The following ADAMTS12 variants were observed in gnomAD, a reference collection of about 807,000 sequenced individuals.
ADAMTS12 encodes A disintegrin and metalloproteinase with thrombospondin motifs 12.
In ADAMTS12, 118 loss-of-function variants were observed where a neutral mutation model predicts 167.8. The ratio of observed to expected loss-of-function variants is 0.70; its 90% CI spans 0.61 to 0.82. The LOEUF (loss-of-function observed/expected upper bound fraction) is 0.82. Ranked by LOEUF, ADAMTS12 falls within the 40% of genes least tolerant of loss-of-function variation. The probability of loss-of-function intolerance (pLI) is 0.00; values close to 1 mark genes in which losing one functional copy is unlikely to be tolerated. For synonymous variants in ADAMTS12, 704 were observed against 716.9 expected (o/e 0.98, Z 0.29); for missense variants, 1,916 against 1,998.8 (o/e 0.96, Z 0.79).
At chr5:33,851,772 A>T (rs1749228424) in intron 2 of ADAMTS12, among the ~76,000 whole-genome samples, 1 of 152,248 alleles carries the variant, frequency 6.6e-6, no homozygotes, top group Admixed American at 6.5e-5. Context: ...CTTTTTCAGT[A>T]AGCCTAGCTG....
chr5:33,580,607 G>T (rs1747015739), intron 18 of ADAMTS12, among the ~76,000 whole-genome samples: 1 of 152,122 alleles, frequency 6.6e-6, no homozygotes, highest in Non-Finnish European at 1.5e-5. Flanking sequence ...AACAGAAGAT[G>T]GTTCTTGAAG....
chr5:33,597,416 A>G (rs774532766), intron 16 of ADAMTS12, among the ~76,000 whole-genome samples: 3 of 152,220 alleles, frequency 2.0e-5, no homozygotes, highest in Non-Finnish European at 4.4e-5. Flanking sequence ...TCACTGGTGT[A>G]CAGAACTCCA....
intron 5 of ADAMTS12, among the ~76,000 whole-genome samples, chr5:33,666,390 G>A (rs962254509): frequency 3.3e-5 from 5 of 152,190 alleles, no homozygotes; most frequent in Admixed American, 6.5e-5. Context: ...CCACAGGATG[G>A]GGGAGAGGCT....
At chr5:33,647,710 G>A (rs931475732) in intron 9 of ADAMTS12, among the ~76,000 whole-genome samples, 6 of 147,958 alleles carry the variant, frequency 4.1e-5, no homozygotes, top group Non-Finnish European at 7.5e-5. Context: ...CAGCCTGGGC[G>A]ATAGAGAAAG....
chr5:33,661,134 C>A (rs1244309743), intron 6 of ADAMTS12, among the ~76,000 whole-genome samples: 1 of 152,120 alleles, frequency 6.6e-6, no homozygotes, highest in Non-Finnish European at 1.5e-5. Context: ...GATTTCTGGA[C>A]AAATAGGCAT....
At chr5:33,664,560 T>A (rs1741399393) in intron 5 of ADAMTS12, among the ~76,000 whole-genome samples, 1 of 152,142 alleles carries the variant, frequency 6.6e-6, no homozygotes, top group African/African-American at 2.4e-5. Flanking sequence ...AAATTCAACA[T>A]CACTTATCAT....
At chr5:33,810,844 G>A (rs1227280831) in intron 2 of ADAMTS12, among the ~76,000 whole-genome samples, 1 of 152,120 alleles carries the variant, frequency 6.6e-6, no homozygotes, top group African/African-American at 2.4e-5. Flanking sequence ...CCTTAGCCAG[G>A]CTCTGTCACA....
At chr5:33,836,554 G>C (rs985045917) in intron 2 of ADAMTS12, among the ~76,000 whole-genome samples, 4 of 152,210 alleles carry the variant, frequency 2.6e-5, no homozygotes, top group African/African-American at 9.7e-5. Context: ...TTCCATTACA[G>C]CAGGGGAGGC....
intron 3 of ADAMTS12, among the ~76,000 whole-genome samples, chr5:33,746,398 T>G (rs1032110900): frequency 6.6e-6 from 1 of 152,232 alleles, no homozygotes; most frequent in Non-Finnish European, 1.5e-5. Context: ...CTAGTGTTAA[T>G]GGTATTATAC....
chr5:33,661,673 G>A (rs781742771), intron 6 of ADAMTS12, among the ~76,000 whole-genome samples: 8 of 152,236 alleles, frequency 5.3e-5, no homozygotes, highest in Admixed American at 1.3e-4. Flanking sequence ...GGATAGTAAA[G>A]AGGCCTGCAT....
chr5:33,798,878 G>A (rs1395841416), intron 2 of ADAMTS12, among the ~76,000 whole-genome samples: 1 of 152,114 alleles, frequency 6.6e-6, no homozygotes, highest in East Asian at 1.9e-4. Flanking sequence ...AATTCTGGGG[G>A]ACAGTTCAGT....
intron 5 of ADAMTS12, among the ~76,000 whole-genome samples, chr5:33,681,760 C>T (rs1742127099): frequency 6.6e-6 from 1 of 152,054 alleles, no homozygotes; most frequent in Non-Finnish European, 1.5e-5. Flanking sequence ...TGTGCAGAAC[C>T]AGGAGAGAGA....
rs768134898 is a variant in ADAMTS12, at chr5:33,616,057, C to T, written c.2159G>A (p.Gly720Glu). Residue 720 changes from glycine to glutamate, a missense_variant, in exon 15 of 24, where the codon GGG (glycine) becomes GAG (glutamate). Transcript: ENST00000504830. ...GTCCCTTGCTCCTTTTGGAATGAGC[C>T]CAATGTCAACATAACCTAAAGAGAG... ...QKEGSGYVDIGLIPKGARDIR... is the reference protein window; with the variant it reads ...QKEGSGYVDIELIPKGARDIR... The T allele has an allele frequency of 1.2e-6, 2 of 1,613,970 alleles. No individual in the cohort carries two copies. The highest frequency in any genetic ancestry group is 1.1e-5 in the South Asian group (1 of 91,076).
chr5:33,601,206 A>G (rs1738172329), intron 16 of ADAMTS12, among the ~76,000 whole-genome samples: 1 of 151,836 alleles, frequency 6.6e-6, no homozygotes, highest in South Asian at 2.1e-4. Flanking sequence ...TGCTTTTAAC[A>G]TTTACTTACT....
At chr5:33,819,482 A>G (rs1053310545) in intron 2 of ADAMTS12, among the ~76,000 whole-genome samples, 1 of 150,778 alleles carries the variant, frequency 6.6e-6, no homozygotes, top group Non-Finnish European at 1.5e-5. Flanking sequence ...TTTGTACTAT[A>G]ATTTTAAATT....
At chr5:33,641,717 C>T in intron 11 of ADAMTS12, 93 bp downstream of exon 11, 3 of 1,286,460 alleles carry the variant, frequency 2.3e-6, no homozygotes, top group Non-Finnish European at 2.1e-6. Context: ...CTGGAGGAGG[C>T]TTGGGGTCAC....
At chr5:33,819,930 T>G (rs1022797818) in intron 2 of ADAMTS12, among the ~76,000 whole-genome samples, 1 of 152,150 alleles carries the variant, frequency 6.6e-6, no homozygotes, top group Non-Finnish European at 1.5e-5. Flanking sequence ...CTCCATCCTC[T>G]TGCTGCCATT....
At chr5:33,861,579 G>A (rs1481874266) in intron 2 of ADAMTS12, among the ~76,000 whole-genome samples, 2 of 152,044 alleles carry the variant, frequency 1.3e-5, no homozygotes, top group African/African-American at 4.8e-5. Context: ...GATAACATTG[G>A]GAGACTTTAA....
intron 3 of ADAMTS12, among the ~76,000 whole-genome samples, chr5:33,707,018 C>T (rs1743227125): frequency 6.6e-6 from 1 of 152,162 alleles, no homozygotes; most frequent in African/African-American, 2.4e-5. Context: ...CAAATTGTCT[C>T]TGTTTGTGGA....
Sources: allele counts gnomAD v4.1 joint callset (sites outside exome capture counted in the v4.1 genomes callset), GRCh38; gene constraint gnomAD v4.1.1; transcripts MANE v1.5; gene names NCBI Gene and HGNC (gene_info 2026-07-23, HGNC 2026-07-21).